Variants in ONECUT2 observed in about 807,000 individuals in gnomAD.
ONECUT2 encodes one cut homeobox 2.
A neutral mutation model predicts 27.9 loss-of-function variants in ONECUT2; 10 were observed. The ratio of observed to expected loss-of-function variants is 0.36; its 90% CI spans 0.22 to 0.61. The LOEUF (loss-of-function observed/expected upper bound fraction) is 0.61, where lower values mean the gene tolerates loss of function less well. Among genes scored for constraint, ONECUT2 ranks in the 20% least tolerant of loss-of-function variants. ONECUT2 has a pLI of 0.73. For synonymous variants in ONECUT2, 334 were observed against 315.1 expected (o/e 1.06, Z -0.64); for missense variants, 686 against 721.0 (o/e 0.95, Z 0.56).
At chr18:57,451,685 G>A (rs2050231162) in intron 1 of ONECUT2, among the ~76,000 whole-genome samples, 2 of 152,234 alleles carry the variant, frequency 1.3e-5, no homozygotes, top group South Asian at 4.1e-4. Flanking sequence ...AAAAGGGCAG[G>A]ATGTGGAGTA....
chr18:57,477,019 C>A lies in ONECUT2; in HGVS notation c.*296C>A, dbSNP rs1362671231. Reference sequence around the variant, plus strand: ...AAACCCAAATGGGGCCTTCCTGGAGCGAGTTAATTCCAGTATGGTGTCAAC... The same window carrying A: ...AAACCCAAATGGGGCCTTCCTGGAGAGAGTTAATTCCAGTATGGTGTCAAC... On this transcript the variant is annotated 3_prime_UTR_variant, in exon 2 of 2. Transcript: ENST00000491143. The A allele has an allele frequency of 2.6e-6, 1 of 391,644 alleles. No individual in the cohort carries two copies. The highest frequency in any genetic ancestry group is 4.6e-6 in the Non-Finnish European group (1 of 215,342). 24.3% of individuals were successfully genotyped at this position (391,644 alleles called of 1,614,324 possible). A position where few individuals can be genotyped will look rare whatever the true frequency, so the allele number is the denominator to read the frequency against.
chr18:57,440,727 G>A (rs2050169391), intron 1 of ONECUT2, among the ~76,000 whole-genome samples: 1 of 152,202 alleles, frequency 6.6e-6, no homozygotes, highest in East Asian at 1.9e-4. Flanking sequence ...GGACGTCCTT[G>A]GGTGACACGG....
At chr18:57,474,641 C>G (rs1382417312) in intron 1 of ONECUT2, among the ~76,000 whole-genome samples, 1 of 152,120 alleles carries the variant, frequency 6.6e-6, no homozygotes, top group Non-Finnish European at 1.5e-5. Flanking sequence ...GGCCCAATCA[C>G]CTCCCAAAGG....
chr18:57,467,640 C>T (rs1482379572), intron 1 of ONECUT2, among the ~76,000 whole-genome samples: 1 of 152,192 alleles, frequency 6.6e-6, no homozygotes, highest in Non-Finnish European at 1.5e-5. Flanking sequence ...GCTGGGATTA[C>T]AGGCATGAGC....
rs72934308 is a variant in ONECUT2, at chr18:57,487,034, C to A, written c.*10311C>A. On this transcript the variant is annotated 3_prime_UTR_variant, in exon 2 of 2. Transcript: ENST00000491143. ...TCAATGGACTTTATTTATGCATGGG[C>A]GCCTATTGTTTGTTAGCAGTTGTGG... 1 of 152,454 alleles carries A rather than the reference C, an allele frequency of 6.6e-6. No homozygotes were observed. The highest frequency in any genetic ancestry group is 1.5e-5 in the Non-Finnish European group (1 of 68,006). 9.4% of individuals were successfully genotyped at this position (152,454 alleles called of 1,614,324 possible).
chr18:57,479,452 T>C lies in ONECUT2; in HGVS notation c.*2729T>C, dbSNP rs758987266. On this transcript the variant is annotated 3_prime_UTR_variant, in exon 2 of 2. Coordinates refer to ENST00000491143, the MANE Select transcript of ONECUT2 (RefSeq NM_004852.3). ...GTCCAGTGCTTCATTTGCTAAGTATTCGGTTCAGAATTTTTCTCATTTCTC... is the reference window on the plus strand; with the variant it reads ...GTCCAGTGCTTCATTTGCTAAGTATCCGGTTCAGAATTTTTCTCATTTCTC... The C allele has an allele frequency of 3.3e-5, 5 of 152,586 alleles. No individual in the cohort carries two copies. The highest frequency in any genetic ancestry group is 4.1e-4 in the South Asian group (2 of 4,826). The allele number at this position is 152,586 out of a possible 1,614,324, so 9.5% of individuals were successfully genotyped here.
At chr18:57,468,006 C>T (rs2050333474) in intron 1 of ONECUT2, among the ~76,000 whole-genome samples, 1 of 152,206 alleles carries the variant, frequency 6.6e-6, no homozygotes. Flanking sequence ...CCAACTAGCC[C>T]ATAGGTGGTT....
chr18:57,440,007 T>C (rs1400974062), intron 1 of ONECUT2, among the ~76,000 whole-genome samples: 1 of 152,202 alleles, frequency 6.6e-6, no homozygotes, highest in Non-Finnish European at 1.5e-5. Context: ...AGCCTGCCGG[T>C]GTAGTCACAG....
rs949564186 is a variant in ONECUT2, at chr18:57,467,817, G to A, written c.1229-8620G>A. Among the ~76,000 whole-genome samples, 8 of 152,146 alleles carry A rather than the reference G, an allele frequency of 5.3e-5. No homozygotes were observed. The East Asian group carries it at 1.2e-3, about 22-fold the overall frequency. On this transcript the variant is annotated intron_variant, in intron 1 of 1. Coordinates refer to ENST00000491143, the MANE Select transcript of ONECUT2 (RefSeq NM_004852.3). ...AGCCTTCCCGGACTCCGGGCAGCTCGGAACTTGGGGACTTTGCCCCCACCC... is the reference window on the plus strand; with the variant it reads ...AGCCTTCCCGGACTCCGGGCAGCTCAGAACTTGGGGACTTTGCCCCCACCC...
intron 1 of ONECUT2, among the ~76,000 whole-genome samples, chr18:57,468,093 A>G (rs1024034562): frequency 2.6e-5 from 4 of 152,192 alleles, no homozygotes; most frequent in African/African-American, 4.8e-5. Flanking sequence ...GCATACATCC[A>G]CAATTAGAAG....
intron 1 of ONECUT2, among the ~76,000 whole-genome samples, chr18:57,474,812 T>C (rs2050372998): frequency 6.6e-6 from 1 of 152,026 alleles, no homozygotes; most frequent in Non-Finnish European, 1.5e-5. Flanking sequence ...GGAAACAAAA[T>C]ATACAAGCCA....
chr18:57,465,092 A>G (rs755210935), intron 1 of ONECUT2, among the ~76,000 whole-genome samples: 9 of 151,706 alleles, frequency 5.9e-5, no homozygotes, highest in South Asian at 2.1e-4. Context: ...ATTTCCTCCA[A>G]TGCCACTACT....
rs1267313795 is a variant in ONECUT2, at chr18:57,484,976, T to C, written c.*8253T>C. On this transcript the variant is annotated 3_prime_UTR_variant, in exon 2 of 2. Transcript: ENST00000491143. ...GCATTTTCAGTGTCCCATTAGTACA[T>C]AGTCACATATGGTCGGTTGCTTCGT... The C allele has an allele frequency of 1.3e-5, 2 of 152,070 alleles. No homozygotes were observed. The highest frequency in any genetic ancestry group is 4.8e-5 in the African/African-American group (2 of 41,454). 9.4% of individuals were successfully genotyped at this position (152,070 alleles called of 1,614,324 possible).
chr18:57,468,096 A>G (rs144351796), intron 1 of ONECUT2, among the ~76,000 whole-genome samples: 514 of 152,314 alleles, frequency 3.4e-3, no homozygotes, highest in Non-Finnish European at 5.3e-3. Context: ...TACATCCACA[A>G]TTAGAAGGGA....
chr18:57,471,861 A>G (rs2050356054), intron 1 of ONECUT2, among the ~76,000 whole-genome samples: 1 of 152,220 alleles, frequency 6.6e-6, no homozygotes, highest in Non-Finnish European at 1.5e-5. Flanking sequence ...GGTCCTACAT[A>G]GGACCTGCTT....
intron 1 of ONECUT2, among the ~76,000 whole-genome samples, chr18:57,474,620 T>A (rs1045490993): frequency 6.6e-6 from 1 of 152,126 alleles, no homozygotes; most frequent in African/African-American, 2.4e-5. Flanking sequence ...TCCTGAGGGC[T>A]CCAACTTTAT....
Position 57,436,143 on chromosome 18 carries a change from G to A in ONECUT2, c.427G>A (p.Gly143Ser), listed in dbSNP as rs747667293. 6.2e-7 allele frequency: 1 copy of A among 1,604,858 alleles called. No homozygotes were observed. The highest frequency in any genetic ancestry group is 1.1e-5 in the South Asian group (1 of 91,048). The stretch of plus-strand genomic sequence containing the variant: ...CTGCGACTCGTCTCCGCCTGGCATG[G>A]GCATGAGCAACACCTACACCACGCT... ...MSCDSSPPGM[G>S]MSNTYTTLTP... The change falls in exon 1 of 2, where the codon GGC becomes AGC. Residue 143 changes from glycine (G) to serine (S), a missense_variant. This residue lies in a region of ONECUT2 where 511 missense variants were observed against 488.1 expected (regional missense o/e 1.05). Coordinates refer to ENST00000491143, the MANE Select transcript of ONECUT2 (RefSeq NM_004852.3). The surrounding 1 kb of genome is among the most constrained non-coding windows in gnomAD (Gnocchi z 5.9).
rs2050440299 is a variant in ONECUT2, at chr18:57,486,680, T to A, written c.*9957T>A. 1 of 152,646 alleles carries A rather than the reference T, an allele frequency of 6.6e-6. No homozygotes were observed. The allele number at this position is 152,646 out of a possible 1,614,324, so 9.5% of individuals were successfully genotyped here. On this transcript the variant is annotated 3_prime_UTR_variant, in exon 2 of 2. Coordinates refer to ENST00000491143, the MANE Select transcript of ONECUT2 (RefSeq NM_004852.3). ...TGTAATAGATGAAAAAAGGTGCGCT[T>A]AAAAAGAAAATGTATGTTTTTTTCC...
chr18:57,452,520 G>A (rs1388444739), intron 1 of ONECUT2, among the ~76,000 whole-genome samples: 4 of 152,108 alleles, frequency 2.6e-5, no homozygotes, highest in Non-Finnish European at 4.4e-5. Context: ...CACCTACTGG[G>A]TTCAAGCTAC....
Sources: allele counts gnomAD v4.1 joint callset (sites outside exome capture counted in the v4.1 genomes callset), GRCh38; gene constraint gnomAD v4.1.1; regional missense constraint gnomAD v4.1.1; non-coding constraint Gnocchi (gnomAD v3.1); transcripts MANE v1.5; gene names NCBI Gene and HGNC (gene_info 2026-07-23, HGNC 2026-07-21).